The following CCDC88A variants were observed in gnomAD, a reference collection of about 807,000 sequenced individuals.
CCDC88A encodes girdin.
CCDC88A carries 54 observed loss-of-function variants against 234.3 expected under a neutral mutation model. The ratio of observed to expected loss-of-function variants is 0.23; its 90% CI spans 0.19 to 0.29. CCDC88A has a LOEUF of 0.29. CCDC88A is among the 10% of genes least tolerant of loss of function. CCDC88A has a pLI of 1.00. For missense variants in CCDC88A, 1,832 were observed against 2,123.4 expected, an observed-to-expected ratio of 0.86 and a Z score of 2.70; for synonymous variants, 753 against 737.8, an observed-to-expected ratio of 1.02 and a Z score of -0.33.
chr2:55,382,936 AG>A (rs1465951623), intron 3 of CCDC88A, among the ~76,000 whole-genome samples: 1 of 152,182 alleles, frequency 6.6e-6, no homozygotes, highest in Non-Finnish European at 1.5e-5. Context: ...CCATGAAAAT[AG>A]GGACATGGTA....
chr2:55,347,890 GT>G (rs949587304), intron 9 of CCDC88A, among the ~76,000 whole-genome samples: 1 of 151,784 alleles, frequency 6.6e-6, no homozygotes, highest in African/African-American at 2.4e-5. Context: ...GGGATTACAT[GT>G]ATAAGCCACC....
chr2:55,346,399 C>G (rs1163855961), intron 9 of CCDC88A, 66 bp from the exon 10 acceptor site: 2 of 893,462 alleles, frequency 2.2e-6, no homozygotes, highest in South Asian at 2.0e-5. Context: ...CTTTGTTGCA[C>G]AATTTGAAAT....
intron 18 of CCDC88A, 26 bp from the exon 19 acceptor site, chr2:55,319,030 A>AAC (rs1196040256): frequency 6.3e-7 from 1 of 1,593,818 alleles, no homozygotes; most frequent in East Asian, 2.2e-5. Context: ...CCAAAACCAA[A>AAC]CATATTAACA....
intron 12 of CCDC88A, among the ~76,000 whole-genome samples, chr2:55,342,967 A>T (rs1470275873): frequency 6.6e-6 from 1 of 152,166 alleles, no homozygotes; most frequent in African/African-American, 2.4e-5. Flanking sequence ...CTAACTGGTG[A>T]ATTTTTTTGT....
intron 3 of CCDC88A, among the ~76,000 whole-genome samples, chr2:55,384,620 CGTATATATATGTATATATGTGTATATAT>C (rs1675256307): frequency 4.6e-5 from 2 of 43,438 alleles, no homozygotes; most frequent in African/African-American, 1.4e-4. Context: ...TGTATATATA[CGTATATATATGTATATATGTGTATATAT>C]ACATATATAT....
At chr2:55,379,963 C>A (rs750890899) in intron 3 of CCDC88A, among the ~76,000 whole-genome samples, 1 of 148,762 alleles carries the variant, frequency 6.7e-6, no homozygotes, top group Non-Finnish European at 1.5e-5. Context: ...GTGGCTCATG[C>A]CTGTAATCCC....
intron 3 of CCDC88A, among the ~76,000 whole-genome samples, chr2:55,384,528 T>TACAC (rs1558787522): frequency 1.3e-5 from 1 of 74,742 alleles, no homozygotes; most frequent in African/African-American, 4.5e-5. Context: ...ATTATATATA[T>TACAC]ATACATATAT....
At chr2:55,333,689 TG>T (rs1354343303) in intron 15 of CCDC88A, among the ~76,000 whole-genome samples, 1 of 152,148 alleles carries the variant, frequency 6.6e-6, no homozygotes, top group Non-Finnish European at 1.5e-5. Flanking sequence ...TGGGTGTGTG[TG>T]TATATATTAT....
chr2:55,355,388 C>A, intron 8 of CCDC88A, 191 bp downstream of exon 8: 4 of 525,574 alleles, frequency 7.6e-6, no homozygotes, highest in East Asian at 3.4e-5. Flanking sequence ...GCCATAAATC[C>A]AGAATAAAAG....
chr2:55,295,864 C>T lies in CCDC88A; in HGVS notation c.5284G>A (p.Glu1762Lys). The change falls in exon 31 of 33, where the codon GAA (glutamate) becomes AAA (lysine). Residue 1762 changes from glutamate to lysine, a missense_variant. By Grantham distance (56) the Glu-to-Lys change is moderately conservative. Coordinates refer to ENST00000436346, the MANE Select transcript of CCDC88A (RefSeq NM_001365480.1). Reference protein sequence around the residue: ...EFLRPGPRKTEDTYFISSAGK... With the variant: ...EFLRPGPRKTKDTYFISSAGK... ...GCAGAACTAATGAAGTAGGTATCTTCAGTTTTTCGAGGACCAGGTCTCAAA... is the reference window on the plus strand; with the variant it reads ...GCAGAACTAATGAAGTAGGTATCTTTAGTTTTTCGAGGACCAGGTCTCAAA... The T allele has an allele frequency of 6.2e-7, 1 of 1,614,094 alleles. No homozygotes were observed. The highest frequency in any genetic ancestry group is 2.2e-5 in the East Asian group (1 of 44,876).
At chr2:55,304,591 C>G (rs1681308841) in intron 25 of CCDC88A, among the ~76,000 whole-genome samples, 1 of 151,872 alleles carries the variant, frequency 6.6e-6, no homozygotes, top group Non-Finnish European at 1.5e-5. Flanking sequence ...AGGAGGTACC[C>G]CAAAGCAAGC....
intron 6 of CCDC88A, 119 bp downstream of exon 6, chr2:55,363,831 A>G: frequency 1.8e-6 from 1 of 549,976 alleles, no homozygotes; most frequent in Non-Finnish European, 3.2e-6. Context: ...AGCAGGGTCC[A>G]TCTATATTTG....
Position 55,289,206 on chromosome 2 carries a change from T to A in CCDC88A, c.*1994A>T, listed in dbSNP as rs572263189. 1 of 152,646 alleles carries A rather than the reference T, an allele frequency of 6.6e-6. No individual in the cohort carries two copies. Among genetic ancestry groups the A allele is most frequent in the African/African-American group, 2.4e-5 (1 of 41,448 alleles). 9.5% of individuals were successfully genotyped at this position (152,646 alleles called of 1,614,324 possible). A position where few individuals can be genotyped will look rare whatever the true frequency, so the allele number is the denominator to read the frequency against. Reference sequence around the variant, plus strand: ...AAGCTGTAATGTCATTCGCCCTCATTGGGCTACATCACCACCCATTAAATT... The same window carrying A: ...AAGCTGTAATGTCATTCGCCCTCATAGGGCTACATCACCACCCATTAAATT... On this transcript the variant is annotated 3_prime_UTR_variant, in exon 33 of 33. Coordinates refer to ENST00000436346, the MANE Select transcript of CCDC88A (RefSeq NM_001365480.1).
At chr2:55,363,741 A>C (rs1574290375) in intron 6 of CCDC88A, 2 of 412,128 alleles carry the variant, frequency 4.9e-6, no homozygotes, top group East Asian at 7.6e-5. Flanking sequence ...TCACTATAGA[A>C]TAAAGGCAAG....
At chr2:55,349,704 T>C (rs1669624592) in intron 8 of CCDC88A, 105 bp from the exon 9 acceptor site, 2 of 720,236 alleles carry the variant, frequency 2.8e-6, no homozygotes, top group Non-Finnish European at 4.7e-6. Context: ...TAGTTGGACA[T>C]AGTATTAGCC....
Position 55,315,955 on chromosome 2 carries a change from T to C in CCDC88A, c.3906A>G (p.Thr1302=), listed in dbSNP as rs1682933707. ...LKEQYQQLDI[T]STKLNNQCEL... ...CACACTGGTTATTCAGCTTGGTTGA[T>C]GTAATATCCAATTGTTGGTATTGTT... is the stretch of plus-strand genomic sequence containing the variant. The change falls in exon 22 of 33, where the codon ACA becomes ACG. Residue 1302 remains threonine (T), a synonymous_variant. Transcript: ENST00000436346. 6.4e-7 allele frequency: 1 copy of C among 1,572,800 alleles called. No individual in the cohort carries two copies. Among genetic ancestry groups the C allele is most frequent in the African/African-American group, 1.4e-5 (1 of 72,744 alleles).
At chr2:55,319,111 A>G in intron 18 of CCDC88A, 107 bp from the exon 19 acceptor site, 1 of 861,096 alleles carries the variant, frequency 1.2e-6, no homozygotes, top group South Asian at 3.1e-5. Flanking sequence ...TAGCATTATA[A>G]TCCATAAAAG....
At chr2:55,418,794 T>C (rs749519834) in intron 2 of CCDC88A, 22 bp downstream of exon 2, 3 of 1,571,558 alleles carry the variant, frequency 1.9e-6, no homozygotes, top group Non-Finnish European at 2.6e-6. Context: ...AAACGTTACC[T>C]AGGAAAGAAG....
chr2:55,359,856 C>CAACAAAAACAAAAACAAT (rs60891079), intron 7 of CCDC88A, among the ~76,000 whole-genome samples: 1 of 151,108 alleles, frequency 6.6e-6, no homozygotes, highest in East Asian at 2.0e-4. Context: ...TCAATGCTAA[C>CAACAAAAACAAAAACAAT]AACAAAAACA....
Sources: allele counts gnomAD v4.1 joint callset (sites outside exome capture counted in the v4.1 genomes callset), GRCh38; gene constraint gnomAD v4.1.1; transcripts MANE v1.5; gene names NCBI Gene and HGNC (gene_info 2026-07-23, HGNC 2026-07-21).